The following RAPGEF1 variants were observed in gnomAD, a reference collection of about 807,000 sequenced individuals.
RAPGEF1 encodes Rap guanine nucleotide exchange factor 1, also known as CRK SH3-binding GNRP.
In RAPGEF1, 33 loss-of-function variants were observed where a neutral mutation model predicts 143.3. The observed-to-expected ratio is 0.23, with a 90% CI of 0.17 to 0.31. The LOEUF (loss-of-function observed/expected upper bound fraction) is 0.31, where lower values mean the gene tolerates loss of function less well. Ranked by LOEUF, RAPGEF1 falls within the 10% of genes least tolerant of loss-of-function variation. The pLI, the probability that RAPGEF1 is intolerant of heterozygous loss-of-function variation, is 1.00. For synonymous variants in RAPGEF1, 629 were observed against 676.5 expected (o/e 0.93, Z 1.09); for missense variants, 1,199 against 1,645.4 (o/e 0.73, Z 4.69).
At chr9:131,651,370 G>A (rs1971041730) in intron 1 of RAPGEF1, among the ~76,000 whole-genome samples, 1 of 152,172 alleles carries the variant, frequency 6.6e-6, no homozygotes, top group African/African-American at 2.4e-5. Flanking sequence ...CAAGTGACAT[G>A]TGCAAGGCTC....
intron 1 of RAPGEF1, chr9:131,709,909 G>A (rs1038962483): frequency 2.0e-6 from 2 of 985,244 alleles, no homozygotes; most frequent in African/African-American, 1.7e-5. Flanking sequence ...CAGAAGAAAG[G>A]GCTTGTTATC....
intron 5 of RAPGEF1, among the ~76,000 whole-genome samples, chr9:131,635,981 T>C (rs1345853454): frequency 6.6e-6 from 1 of 152,234 alleles, no homozygotes; most frequent in African/African-American, 2.4e-5. Context: ...ACTCTCACTG[T>C]CTGTAATGAC....
chr9:131,613,120 G>A (rs1564524271), intron 12 of RAPGEF1, among the ~76,000 whole-genome samples: 2 of 152,210 alleles, frequency 1.3e-5, no homozygotes, highest in Admixed American at 6.5e-5. Flanking sequence ...CTGGTTGTGC[G>A]TCACGTACTA....
chr9:131,729,216 A>T (rs564170954), intron 1 of RAPGEF1, among the ~76,000 whole-genome samples: 1 of 152,262 alleles, frequency 6.6e-6, no homozygotes, highest in East Asian at 1.9e-4. Flanking sequence ...GAGAGCCAAG[A>T]TCAAAAGTCT....
chr9:131,620,866 C>T (rs114843636), intron 11 of RAPGEF1, among the ~76,000 whole-genome samples: 10 of 152,296 alleles, frequency 6.6e-5, no homozygotes, highest in East Asian at 1.9e-4. Context: ...CATGTCCTCT[C>T]GCAATGGATA....
intron 12 of RAPGEF1, among the ~76,000 whole-genome samples, chr9:131,607,919 C>T (rs896498792): frequency 1.3e-5 from 2 of 152,222 alleles, no homozygotes; most frequent in African/African-American, 4.8e-5. Flanking sequence ...GGAGAAGTGT[C>T]TTCCTAACCA....
chr9:131,600,429 C>T (rs974761733), intron 15 of RAPGEF1, among the ~76,000 whole-genome samples: 4 of 152,204 alleles, frequency 2.6e-5, no homozygotes, highest in African/African-American at 9.7e-5. Flanking sequence ...CCATTCCTGG[C>T]TTCACACCTG....
At position 131,592,136 on chromosome 9, in the gene RAPGEF1, T is replaced by G; in HGVS notation, c.2737A>C (p.Ile913Leu). The change falls in exon 18 of 27, where the codon ATC becomes CTC. Residue 913 changes from isoleucine (I) to leucine (L), a missense_variant. Coordinates refer to ENST00000683357, the MANE Select transcript of RAPGEF1 (RefSeq NM_001377935.1). ...TTCTTGATGAGCTCCTCTGGGGAGATGAAGGTCCTGTAGGTGGTCAGGAAT... is the reference window on the plus strand; with the variant it reads ...TTCTTGATGAGCTCCTCTGGGGAGAGGAAGGTCCTGTAGGTGGTCAGGAAT... ...EAFLTTYRTFISPEELIKKLQ... is the reference protein window; with the variant it reads ...EAFLTTYRTFLSPEELIKKLQ... The G allele has an allele frequency of 6.2e-7, 1 of 1,612,886 alleles. No homozygotes were observed. Among genetic ancestry groups the G allele is most frequent in the Non-Finnish European group, 8.5e-7 (1 of 1,178,960 alleles).
chr9:131,681,113 C>T (rs1308400631), intron 1 of RAPGEF1, among the ~76,000 whole-genome samples: 2 of 152,066 alleles, frequency 1.3e-5, no homozygotes, highest in East Asian at 3.8e-4. Flanking sequence ...GAGAGTATAG[C>T]TAGGTAACAA....
rs936494065 is a variant in RAPGEF1, at chr9:131,641,808, C to A, written c.494+1431G>T. ...CCTCCTTCCCGTCACCAACCAGCGC[C>A]AGCGAGCTTCTGGCCAAAAGACCAC... is the stretch of plus-strand genomic sequence containing the variant. On this transcript the variant is annotated intron_variant, in intron 4 of 26. Transcript: ENST00000683357. This position sits in a 1 kb window ranked among gnomAD's most constrained non-coding sequence, Gnocchi z 4.6. Among the ~76,000 whole-genome samples, 4 of 152,244 alleles carry A rather than the reference C, an allele frequency of 2.6e-5. No individual in the cohort carries two copies. The highest frequency in any genetic ancestry group is 5.9e-5 in the Non-Finnish European group (4 of 68,046).
intron 1 of RAPGEF1, among the ~76,000 whole-genome samples, chr9:131,662,193 C>T (rs957910383): frequency 2.6e-5 from 4 of 152,168 alleles, no homozygotes; most frequent in Non-Finnish European, 4.4e-5. Flanking sequence ...CACCAGGTTT[C>T]CTTCTGCTGT....
intron 15 of RAPGEF1, among the ~76,000 whole-genome samples, chr9:131,599,302 T>C (rs1166075048): frequency 6.6e-6 from 1 of 151,890 alleles, no homozygotes; most frequent in African/African-American, 2.4e-5. Context: ...TTCTGTTCAT[T>C]GTAGGGATGA....
intron 9 of RAPGEF1, among the ~76,000 whole-genome samples, chr9:131,627,540 G>A (rs1023478132): frequency 1.3e-5 from 2 of 152,164 alleles, no homozygotes; most frequent in South Asian, 2.1e-4. Context: ...GCCGGCTCGC[G>A]CGGCTCCCTC....
intron 1 of RAPGEF1, among the ~76,000 whole-genome samples, chr9:131,672,751 G>A (rs1564673098): frequency 6.6e-6 from 1 of 152,174 alleles, no homozygotes; most frequent in South Asian, 2.1e-4. Context: ...CTTAGGATAA[G>A]CCCCTCCTGG....
intron 5 of RAPGEF1, among the ~76,000 whole-genome samples, chr9:131,636,965 C>T (rs1385021148): frequency 7.2e-5 from 11 of 152,296 alleles, no homozygotes; most frequent in African/African-American, 2.6e-4. Context: ...GTGGCTCACA[C>T]CTGTAATCCC....
chr9:131,629,204 G>A lies in RAPGEF1; in HGVS notation c.791C>T (p.Thr264Met), dbSNP rs765932532. The A allele has an allele frequency of 2.2e-5, 35 of 1,613,982 alleles. No homozygotes were observed. Among genetic ancestry groups the A allele is most frequent in the South Asian group, 3.3e-5 (3 of 91,084 alleles). The change falls in exon 7 of 27, where the codon ACG becomes ATG. Residue 264 changes from threonine to methionine, a missense_variant. Thr to Met is a moderately conservative substitution (Grantham distance 81, BLOSUM62 -1). Transcript: ENST00000683357. ...TDREVEILNK[T>M]TGMSQSTELL... ...CTCAGTTGACTGTGACATCCCAGTC[G>A]TCTTGTTTAGGATCTCTACCTCGCG...
intron 10 of RAPGEF1, among the ~76,000 whole-genome samples, chr9:131,623,693 T>C (rs531752950): frequency 1.3e-5 from 2 of 152,232 alleles, no homozygotes; most frequent in East Asian, 1.9e-4. Context: ...CCTGGGACTG[T>C]GGGGATTTCA....
rs988198021 is a variant in RAPGEF1, at chr9:131,655,869, G to T, written c.62-4920C>A. Among the ~76,000 whole-genome samples, 2 of 152,144 alleles carry T rather than the reference G, an allele frequency of 1.3e-5. No individual in the cohort carries two copies. Among genetic ancestry groups the T allele is most frequent in the Admixed American group, 1.3e-4 (2 of 15,276 alleles). On this transcript the variant is annotated intron_variant, in intron 1 of 26. Coordinates refer to ENST00000683357, the MANE Select transcript of RAPGEF1 (RefSeq NM_001377935.1). The surrounding 1 kb of genome is among the most constrained non-coding windows in gnomAD (Gnocchi z 4.1). Reference sequence around the variant, plus strand: ...CCCAAAGTGCTGAGATTACAGGTGTGAGCCACCGCGCCCGGCCAAAAAATT... The same window carrying T: ...CCCAAAGTGCTGAGATTACAGGTGTTAGCCACCGCGCCCGGCCAAAAAATT...
At chr9:131,716,309 G>C (rs545344397) in intron 1 of RAPGEF1, among the ~76,000 whole-genome samples, 3 of 152,312 alleles carry the variant, frequency 2.0e-5, no homozygotes, top group South Asian at 4.1e-4. Context: ...TTCACTGAAG[G>C]GCAATCAGGG....
Sources: gnomAD v4.1 joint callset for allele counts (sites outside exome capture counted in the v4.1 genomes callset) on GRCh38, gnomAD v4.1.1 for gene constraint, Gnocchi (gnomAD v3.1) non-coding constraint, MANE v1.5 for transcripts, NCBI Gene and HGNC (gene_info 2026-07-23, HGNC 2026-07-21) for gene names.